NYAP2: variants seen among roughly 807,000 people sequenced by gnomAD.
NYAP2 encodes neuronal tyrosine-phosphorylated phosphoinositide-3-kinase adaptor 2, also known as neuronal tyrosine-phosphorylated phosphoinositide-3-kinase adapter 2.
In NYAP2, 23 loss-of-function variants were observed where a neutral mutation model predicts 50.4. The observed-to-expected ratio is 0.46, with a 90% CI of 0.33 to 0.65. NYAP2 has a LOEUF of 0.65. Among genes scored for constraint, NYAP2 ranks in the 30% least tolerant of loss-of-function variants. The pLI, the probability that NYAP2 is intolerant of heterozygous loss-of-function variation, is 0.02. For synonymous variants in NYAP2, 394 were observed against 365.2 expected (o/e 1.08, Z -0.90); for missense variants, 885 against 861.0 (o/e 1.03, Z -0.35).
intron 5 of NYAP2, among the ~76,000 whole-genome samples, chr2:225,603,606 CT>C (rs1388892948): frequency 2.0e-5 from 3 of 152,012 alleles, no homozygotes; most frequent in Non-Finnish European, 4.4e-5. Context: ...GTTGTGTTTT[CT>C]TTCTTCTTTG....
intron 4 of NYAP2, among the ~76,000 whole-genome samples, chr2:225,524,260 C>G (rs1354987890): frequency 6.6e-6 from 1 of 152,124 alleles, no homozygotes; most frequent in Non-Finnish European, 1.5e-5. Flanking sequence ...GTCAAAGAGT[C>G]TAAAAGTGGA....
At chr2:225,414,876 A>G (rs1695099581) in intron 3 of NYAP2, among the ~76,000 whole-genome samples, 1 of 152,190 alleles carries the variant, frequency 6.6e-6, no homozygotes, top group Non-Finnish European at 1.5e-5. Flanking sequence ...TATTTTAAAA[A>G]CGATATACGA....
chr2:225,702,477 T>C, the NYAP2 span: 1 of 151,826 alleles, frequency 6.6e-6, no homozygotes, highest in African/African-American at 2.4e-5. Context: ...TAAGAAGATA[T>C]ACAATTGTGT....
At chr2:225,529,647 T>A (rs1411557140) in intron 4 of NYAP2, among the ~76,000 whole-genome samples, 1 of 150,584 alleles carries the variant, frequency 6.6e-6, no homozygotes, top group African/African-American at 2.4e-5. Context: ...TATATAAGCA[T>A]GTTCCCTGGG....
chr2:225,423,586 G>A (rs1695245978), intron 3 of NYAP2, among the ~76,000 whole-genome samples: 1 of 152,168 alleles, frequency 6.6e-6, no homozygotes, highest in African/African-American at 2.4e-5. Flanking sequence ...GGAATAAACA[G>A]ATCTCTCATA....
chr2:225,675,285 C>T, the NYAP2 span, among the ~76,000 whole-genome samples: 178 of 152,130 alleles, frequency 1.2e-3, 1 homozygote, highest in African/African-American at 3.8e-3. Flanking sequence ...TCAGCTCACA[C>T]CCCCACCTCC....
At chr2:225,623,636 C>T (rs1301142724) in intron 5 of NYAP2, among the ~76,000 whole-genome samples, 1 of 152,084 alleles carries the variant, frequency 6.6e-6, no homozygotes, top group Admixed American at 6.6e-5. Flanking sequence ...AGAATAAACA[C>T]CCTCACAAAT....
chr2:225,587,453 G>C (rs972841853), intron 5 of NYAP2, among the ~76,000 whole-genome samples: 1 of 152,068 alleles, frequency 6.6e-6, no homozygotes, highest in Non-Finnish European at 1.5e-5. Context: ...GGGGCAGAAG[G>C]GCATGTGAAC....
At chr2:225,595,812 A>C (rs1469740777) in intron 5 of NYAP2, among the ~76,000 whole-genome samples, 1 of 152,156 alleles carries the variant, frequency 6.6e-6, no homozygotes, top group African/African-American at 2.4e-5. Flanking sequence ...TTCCATGGCC[A>C]ATCCACTTAA....
intron 5 of NYAP2, among the ~76,000 whole-genome samples, chr2:225,597,512 A>AATATATATATATATATATATATAC: frequency 4.3e-5 from 2 of 46,250 alleles, no homozygotes; most frequent in Non-Finnish European, 4.8e-5. Flanking sequence ...TCCAAGGAGA[A>AATATATATATATATATATATATAC]ATATATATAT....
chr2:225,465,630 C>T (rs1295598945), intron 3 of NYAP2, among the ~76,000 whole-genome samples: 2 of 152,036 alleles, frequency 1.3e-5, no homozygotes, highest in East Asian at 1.9e-4. Context: ...GCAGGAGAAT[C>T]GAGTGAACCC....
chr2:225,676,361 T>C, the NYAP2 span, among the ~76,000 whole-genome samples: 1 of 152,176 alleles, frequency 6.6e-6, no homozygotes, highest in African/African-American at 2.4e-5. Flanking sequence ...TTCATTCTTC[T>C]GCATATGGCT....
At chr2:225,558,807 A>C (rs2106214301) in intron 4 of NYAP2, among the ~76,000 whole-genome samples, 1 of 152,274 alleles carries the variant, frequency 6.6e-6, no homozygotes, top group Non-Finnish European at 1.5e-5. Context: ...CACCAGACAG[A>C]GCCATTCTGT....
At chr2:225,628,827 C>T (rs953844766) in intron 6 of NYAP2, among the ~76,000 whole-genome samples, 12 of 152,056 alleles carry the variant, frequency 7.9e-5, no homozygotes, top group Admixed American at 7.9e-4. Context: ...GAAGCATTCT[C>T]TGGGTTTCTA....
At chr2:225,495,317 G>T (rs543794306) in intron 3 of NYAP2, among the ~76,000 whole-genome samples, 1 of 152,066 alleles carries the variant, frequency 6.6e-6, no homozygotes, top group Non-Finnish European at 1.5e-5. Context: ...GGGAATTTTC[G>T]AAAACAGCTG....
At chr2:225,561,563 T>A (rs73089042) in intron 4 of NYAP2, among the ~76,000 whole-genome samples, 4,169 of 151,988 alleles carry the variant, frequency 0.027, 183 homozygotes, top group African/African-American at 0.093. Flanking sequence ...GGATAGACAG[T>A]GGGTATCTAC....
chr2:225,446,180 C>CTCTGTCTGTCTG (rs60541469), intron 3 of NYAP2, among the ~76,000 whole-genome samples: 3 of 79,218 alleles, frequency 3.8e-5, no homozygotes, highest in Non-Finnish European at 5.5e-5. Flanking sequence ...GACTCCATCT[C>CTCTGTCTGTCTG]TCTGTCTGTC....
intron 4 of NYAP2, among the ~76,000 whole-genome samples, chr2:225,562,199 A>C (rs1203218905): frequency 6.6e-6 from 1 of 152,188 alleles, no homozygotes; most frequent in Non-Finnish European, 1.5e-5. Context: ...CACTGGGGGA[A>C]AGAACAGTTT....
At chr2:225,567,033 G>C (rs1691973168) in intron 4 of NYAP2, among the ~76,000 whole-genome samples, 2 of 152,118 alleles carry the variant, frequency 1.3e-5, no homozygotes, top group Admixed American at 6.6e-5. Context: ...GAACATGATA[G>C]AGTGTACTTA....
Sources: allele counts gnomAD v4.1 joint callset (sites outside exome capture counted in the v4.1 genomes callset), GRCh38; gene constraint gnomAD v4.1.1; transcripts MANE v1.5; gene names NCBI Gene and HGNC (gene_info 2026-07-23, HGNC 2026-07-21).